The following CECR2 variants were observed in gnomAD, a reference collection of about 807,000 sequenced individuals.
CECR2 encodes the protein chromatin remodeling regulator CECR2.
CECR2 carries 30 observed loss-of-function variants against 154.5 expected under a neutral mutation model. That is an observed-to-expected ratio of 0.19 (90% confidence interval 0.15 to 0.26). The LOEUF is 0.26. Ranked by LOEUF, CECR2 falls within the 10% of genes least tolerant of loss-of-function variation. The probability of loss-of-function intolerance (pLI) is 1.00; values close to 1 mark genes in which losing one functional copy is unlikely to be tolerated. For missense variants in CECR2, 1,743 were observed against 1,829.3 expected (o/e 0.95, Z 0.86); for synonymous variants, 725 against 683.7 (o/e 1.06, Z -0.94).
chr22:17,510,715 T>TCTA (rs2055930384), intron 7 of CECR2, among the ~76,000 whole-genome samples: 1 of 152,124 alleles, frequency 6.6e-6, no homozygotes, highest in African/African-American at 2.4e-5. Context: ...AATTCTCCTG[T>TCTA]CTCAGCCTCC....
upstream of CECR2, among the ~76,000 whole-genome samples, chr22:17,365,937 C>T (rs956230596): frequency 1.6e-4 from 24 of 151,776 alleles, no homozygotes; most frequent in African/African-American, 4.8e-4. Context: ...GCTAACATTA[C>T]TTCATATTTT....
rs114910942 is a variant in CECR2, at chr22:17,393,137, A to G, written c.126+23228A>G. On this transcript the variant is annotated intron_variant, in intron 1 of 18. Coordinates refer to ENST00000262608, the MANE Select transcript of CECR2 (RefSeq NM_001290047.2). The stretch of plus-strand genomic sequence containing the variant: ...CCTTTATAAGGTTTTCATCACCTCA[A>G]AAAGAAACCCTGTACCCTTGAGCTC... Among the ~76,000 whole-genome samples the G allele has an allele frequency of 7.9e-3, 1,197 of 152,222 alleles. 15 individuals carry two copies. Among genetic ancestry groups the G allele is most frequent in the African/African-American group, 0.026 (1,076 of 41,536 alleles).
At chr22:17,489,246 T>A (rs2055482001) in intron 2 of CECR2, among the ~76,000 whole-genome samples, 1 of 152,218 alleles carries the variant, frequency 6.6e-6, no homozygotes, top group South Asian at 2.1e-4. Context: ...TTACTTCCTA[T>A]CTTTGCCAAC....
chr22:17,519,106 G>A (rs938021656), intron 8 of CECR2: 1 of 155,762 alleles, frequency 6.4e-6, no homozygotes, highest in Non-Finnish European at 1.4e-5. Flanking sequence ...GTTCTTCGTG[G>A]GTAGCATTAG....
At chr22:17,420,788 T>G (rs1011417304) in intron 1 of CECR2, among the ~76,000 whole-genome samples, 2 of 152,240 alleles carry the variant, frequency 1.3e-5, no homozygotes, top group Admixed American at 1.3e-4. Flanking sequence ...ACTTTAATGT[T>G]TATCCGTATG....
At chr22:17,376,226 GGT>G (rs149653293) in intron 1 of CECR2, among the ~76,000 whole-genome samples, 2 of 151,868 alleles carry the variant, frequency 1.3e-5, no homozygotes, top group African/African-American at 2.4e-5. Context: ...TTGCTGCTTT[GGT>G]GTGTGTGTGT....
At chr22:17,429,037 AG>A (rs2054378345) in intron 1 of CECR2, among the ~76,000 whole-genome samples, 1 of 151,998 alleles carries the variant, frequency 6.6e-6, no homozygotes, top group African/African-American at 2.4e-5. Context: ...ATAACTGCCT[AG>A]GAGAACATGT....
chr22:17,382,430 A>G (rs1339780844), intron 1 of CECR2, among the ~76,000 whole-genome samples: 6 of 152,182 alleles, frequency 3.9e-5, no homozygotes, highest in Non-Finnish European at 8.8e-5. Flanking sequence ...CTACAGGCAC[A>G]CCTCAGAGAT....
intron 17 of CECR2, among the ~76,000 whole-genome samples, chr22:17,551,194 A>G (rs2056703114): frequency 6.6e-6 from 1 of 152,184 alleles, no homozygotes; most frequent in African/African-American, 2.4e-5. Flanking sequence ...ATCTCCTAAG[A>G]ATGGACATGC....
At chr22:17,382,716 C>A (rs898227428) in intron 1 of CECR2, among the ~76,000 whole-genome samples, 3 of 150,956 alleles carry the variant, frequency 2.0e-5, no homozygotes, top group African/African-American at 7.3e-5. Context: ...ACCAGCCTGG[C>A]CAACATGGTG....
chr22:17,457,206 T>G (rs957487959), intron 1 of CECR2, among the ~76,000 whole-genome samples: 3 of 152,250 alleles, frequency 2.0e-5, no homozygotes, highest in Non-Finnish European at 4.4e-5. Context: ...TTTGTATTTT[T>G]ACTAGAGACG....
intron 1 of CECR2, among the ~76,000 whole-genome samples, chr22:17,370,572 C>T (rs969533610): frequency 6.6e-6 from 1 of 152,148 alleles, no homozygotes; most frequent in Non-Finnish European, 1.5e-5. Flanking sequence ...TATCCAGCCT[C>T]TTTATCGCGG....
intron 1 of CECR2, among the ~76,000 whole-genome samples, chr22:17,371,395 G>T (rs1227341212): frequency 2.6e-5 from 4 of 152,120 alleles, no homozygotes; most frequent in Admixed American, 6.5e-5. Flanking sequence ...TTTACGTGGC[G>T]CCACAGCGTT....
chr22:17,533,694 G>T (rs1052059670), intron 9 of CECR2, among the ~76,000 whole-genome samples: 7 of 141,626 alleles, frequency 4.9e-5, no homozygotes, highest in Non-Finnish European at 7.8e-5. Context: ...AGAGCAAAGG[G>T]CCTTTTTTTG....
At chr22:17,435,980 T>C (rs931720404) in intron 1 of CECR2, among the ~76,000 whole-genome samples, 1 of 152,116 alleles carries the variant, frequency 6.6e-6, no homozygotes, top group Non-Finnish European at 1.5e-5. Context: ...TCCCTCCCTC[T>C]GTCTGTCTCG....
chr22:17,367,530 C>T (rs148109556), upstream of CECR2, among the ~76,000 whole-genome samples: 207 of 152,108 alleles, frequency 1.4e-3, 5 homozygotes, highest in East Asian at 0.037. Flanking sequence ...GGACTACGGG[C>T]GCCTGCCACC....
intron 1 of CECR2, among the ~76,000 whole-genome samples, chr22:17,378,060 T>C (rs565741589): frequency 5.2e-4 from 69 of 131,542 alleles, no homozygotes; most frequent in Non-Finnish European, 2.4e-4. Flanking sequence ...CTTGGCTCAC[T>C]GCAACCTCCG....
At chr22:17,541,438 C>T (rs1237617585) in intron 14 of CECR2, among the ~76,000 whole-genome samples, 1 of 151,882 alleles carries the variant, frequency 6.6e-6, no homozygotes, top group African/African-American at 2.4e-5. Context: ...CTGTGAGACT[C>T]CGTCTCAAAA....
intron 1 of CECR2, among the ~76,000 whole-genome samples, chr22:17,395,355 T>G (rs1292333067): frequency 1.3e-5 from 2 of 151,920 alleles, no homozygotes; most frequent in Non-Finnish European, 1.5e-5. Flanking sequence ...ATTCTCTCTT[T>G]TTTTTTTGAG....
Sources: gnomAD v4.1 joint callset for allele counts (sites outside exome capture counted in the v4.1 genomes callset) on GRCh38, gnomAD v4.1.1 for gene constraint, MANE v1.5 for transcripts, NCBI Gene and HGNC (gene_info 2026-07-23, HGNC 2026-07-21) for gene names.